Variants in CSMD1 observed in about 807,000 individuals in gnomAD.
The protein encoded by CSMD1 is CUB and sushi domain-containing protein 1.
Under a neutral mutation model 417.5 loss-of-function variants are expected in CSMD1, and 213 were observed. The observed-to-expected ratio is 0.51, with a 90% CI of 0.46 to 0.57. CSMD1 has a LOEUF of 0.57. CSMD1 is among the 20% of genes least tolerant of loss of function. CSMD1 has a pLI of 0.00. For synonymous variants in CSMD1, 2,862 were observed against 1,736.8 expected (o/e 1.65, Z -16.11); for missense variants, 6,923 against 4,529.7 (o/e 1.53, Z -15.17).
intron 2 of CSMD1, among the ~76,000 whole-genome samples, chr8:4,580,805 T>A (rs1317501674): frequency 2.6e-5 from 4 of 152,246 alleles, no homozygotes; most frequent in Non-Finnish European, 5.9e-5. Context: ...TTATATCCTA[T>A]CTTAAAAAGT....
chr8:4,319,459 A>C (rs1799134334), intron 3 of CSMD1, among the ~76,000 whole-genome samples: 1 of 152,030 alleles, frequency 6.6e-6, no homozygotes, highest in African/African-American at 2.4e-5. Flanking sequence ...AATAATAGCT[A>C]CTCCTTCTTA....
intron 1 of CSMD1, among the ~76,000 whole-genome samples, chr8:4,766,268 G>C (rs536414341): frequency 6.6e-6 from 1 of 152,128 alleles, no homozygotes; most frequent in Non-Finnish European, 1.5e-5. Flanking sequence ...ATATCCTGTC[G>C]TGACTATCTT....
chr8:3,714,477 C>G (rs1801709963), intron 6 of CSMD1, among the ~76,000 whole-genome samples: 1 of 146,822 alleles, frequency 6.8e-6, no homozygotes, highest in South Asian at 2.1e-4. Flanking sequence ...AATCCCAGCA[C>G]TTTGGGAGGC....
At chr8:4,132,982 G>A (rs189248121) in intron 3 of CSMD1, among the ~76,000 whole-genome samples, 2 of 152,272 alleles carry the variant, frequency 1.3e-5, no homozygotes, top group African/African-American at 4.8e-5. Flanking sequence ...TATCCAGGCT[G>A]CAGTGCAGTG....
intron 3 of CSMD1, among the ~76,000 whole-genome samples, chr8:4,237,640 C>T (rs1802147766): frequency 1.3e-5 from 2 of 152,026 alleles, no homozygotes; most frequent in South Asian, 4.1e-4. Flanking sequence ...CTCACCCTTT[C>T]TAGTAGCTGA....
At chr8:4,419,602 C>T (rs192650744) in intron 3 of CSMD1, among the ~76,000 whole-genome samples, 30 of 152,250 alleles carry the variant, frequency 2.0e-4, no homozygotes, top group African/African-American at 2.4e-5. Flanking sequence ...AATTGTCCAA[C>T]CAAAAATTTA....
intron 1 of CSMD1, among the ~76,000 whole-genome samples, chr8:4,733,330 T>G (rs968858597): frequency 6.6e-6 from 1 of 152,200 alleles, no homozygotes; most frequent in Non-Finnish European, 1.5e-5. Flanking sequence ...AAATTAGCCA[T>G]GCCAATGACC....
intron 3 of CSMD1, among the ~76,000 whole-genome samples, chr8:4,143,029 C>T (rs1431865783): frequency 1.3e-5 from 2 of 150,356 alleles, no homozygotes; most frequent in African/African-American, 2.5e-5. Context: ...AACTAGTGTC[C>T]AATTCCAACC....
At chr8:4,251,411 T>C (rs570525503) in intron 3 of CSMD1, among the ~76,000 whole-genome samples, 29 of 152,176 alleles carry the variant, frequency 1.9e-4, no homozygotes, top group Non-Finnish European at 3.7e-4. Context: ...TTCTTGTATT[T>C]TGAGCAATAA....
intron 4 of CSMD1, among the ~76,000 whole-genome samples, chr8:4,013,511 C>A (rs1186292666): frequency 6.6e-6 from 1 of 152,122 alleles, no homozygotes; most frequent in Non-Finnish European, 1.5e-5. Flanking sequence ...CAGGCAGTGA[C>A]CAGGCAGATG....
chr8:4,951,573 G>C (rs886091230), intron 1 of CSMD1, among the ~76,000 whole-genome samples: 3 of 94,150 alleles, frequency 3.2e-5, no homozygotes, highest in African/African-American at 1.1e-4. Context: ...AAATAAAAAA[G>C]AAAAGAAGCA....
At chr8:4,679,940 T>A (rs1017880096) in intron 1 of CSMD1, among the ~76,000 whole-genome samples, 6 of 152,224 alleles carry the variant, frequency 3.9e-5, no homozygotes, top group African/African-American at 1.4e-4. Context: ...TGCAAGTTTT[T>A]ATTAACAGGG....
intron 1 of CSMD1, among the ~76,000 whole-genome samples, chr8:4,659,609 G>A (rs1046654905): frequency 5.9e-5 from 9 of 152,196 alleles, no homozygotes; most frequent in African/African-American, 1.9e-4. Context: ...ACAGAAAACA[G>A]ATTGGTGATT....
chr8:3,062,171 T>C (rs1400263610), intron 49 of CSMD1, among the ~76,000 whole-genome samples: 1 of 152,196 alleles, frequency 6.6e-6, no homozygotes, highest in Non-Finnish European at 1.5e-5. Flanking sequence ...TCTATTTTCC[T>C]CCCTTATCTT....
chr8:3,836,419 C>A (rs1802705936), intron 5 of CSMD1, among the ~76,000 whole-genome samples: 1 of 152,054 alleles, frequency 6.6e-6, no homozygotes, highest in African/African-American at 2.4e-5. Flanking sequence ...TGGAAAATTT[C>A]TCCAATGCAG....
intron 57 of CSMD1, among the ~76,000 whole-genome samples, chr8:2,968,297 T>C (rs565170417): frequency 3.3e-5 from 5 of 152,224 alleles, no homozygotes; most frequent in Non-Finnish European, 7.3e-5. Flanking sequence ...TTGGTCCAAT[T>C]CATAGTTTAA....
rs1284166208 is a variant in CSMD1, at chr8:4,637,565, G to T, written c.86-7C>A. ...AAGCCTCCACAGTTCTGACCTGGAA[G>T]AGAAAACACACACAAAAAAGCATAT... is the stretch of plus-strand genomic sequence containing the variant. On this transcript the variant is annotated splice_region_variant and splice_polypyrimidine_tract_variant and intron_variant, in intron 1 of 69. Coordinates refer to ENST00000635120, the MANE Select transcript of CSMD1 (RefSeq NM_033225.6). 6.4e-7 allele frequency: 1 copy of T among 1,550,650 alleles called. No homozygotes were observed. Among genetic ancestry groups the T allele is most frequent in the Admixed American group, 1.7e-5 (1 of 57,418 alleles).
chr8:4,666,082 C>A (rs1406306699), intron 1 of CSMD1, among the ~76,000 whole-genome samples: 1 of 152,216 alleles, frequency 6.6e-6, no homozygotes, highest in Admixed American at 6.5e-5. Flanking sequence ...TCTCATTTTG[C>A]TTCTAGGTAA....
rs191802164 is a variant in CSMD1, at chr8:4,546,402, A to G, written c.302+90940T>C. Among the ~76,000 whole-genome samples the G allele has an allele frequency of 1.2e-4, 19 of 152,278 alleles. No individual in the cohort carries two copies. The East Asian group carries it at 2.9e-3, about 23-fold the overall frequency. ...GTGTGTCTGTGAGGGGGTTTCTAGA[A>G]GATATTAGAGTTTGAATCGGCAGAC... On this transcript the variant is annotated intron_variant, in intron 2 of 69. Transcript: ENST00000635120.
Sources: allele counts gnomAD v4.1 joint callset (sites outside exome capture counted in the v4.1 genomes callset), GRCh38; gene constraint gnomAD v4.1.1; transcripts MANE v1.5; gene names NCBI Gene and HGNC (gene_info 2026-07-23, HGNC 2026-07-21).